Variants in HNRNPLL observed in about 807,000 individuals in gnomAD.
HNRNPLL encodes heterogeneous nuclear ribonucleoprotein L-like.
Under a neutral mutation model 67.1 loss-of-function variants are expected in HNRNPLL, and 25 were observed. The observed-to-expected ratio is 0.37, with a 90% CI of 0.27 to 0.52. The LOEUF (loss-of-function observed/expected upper bound fraction) is 0.52. HNRNPLL is among the 20% of genes least tolerant of loss of function. The pLI is 0.90. For synonymous variants in HNRNPLL, 267 were observed against 241.7 expected, an observed-to-expected ratio of 1.10 and a Z score of -0.97; for missense variants, 542 against 673.9, an observed-to-expected ratio of 0.80 and a Z score of 2.17.
chr2:38,589,382 G>T (rs966879878), intron 2 of HNRNPLL, among the ~76,000 whole-genome samples: 1 of 152,120 alleles, frequency 6.6e-6, no homozygotes, highest in African/African-American at 2.4e-5. Flanking sequence ...TTTCCAAATT[G>T]TAACATTTTG....
At chr2:38,574,162 G>A (rs1666207968) in intron 7 of HNRNPLL, among the ~76,000 whole-genome samples, 1 of 151,840 alleles carries the variant, frequency 6.6e-6, no homozygotes, top group African/African-American at 2.4e-5. Flanking sequence ...GCTAACTTTA[G>A]AGTAGCTTTA....
At position 38,569,215 on chromosome 2, in the gene HNRNPLL, G is replaced by C. The variant is rs750272113; in HGVS notation, c.1334C>G (p.Ser445Cys). The C allele has an allele frequency of 1.9e-6, 3 of 1,613,266 alleles. No homozygotes were observed. The highest frequency in any genetic ancestry group is 1.1e-5 in the South Asian group (1 of 91,056). ...NNRFTSAGQA[S>C]KNIIQPPSCV... The stretch of plus-strand genomic sequence containing the variant: ...GGAGGGTGGCTGGATTATATTCTTA[G>C]ATGCTTGGCCAGCACTTGTAAAGCG... Residue 445 changes from serine to cysteine, a missense_variant, in exon 10 of 13, where the codon TCT becomes TGT. Around this residue, in one of 2 missense-constraint regions of HNRNPLL, gnomAD observed 415 missense variants for 575.2 expected, o/e 0.72. Coordinates refer to ENST00000449105, the MANE Select transcript of HNRNPLL (RefSeq NM_138394.4).
rs1380739917 is a variant in HNRNPLL at position 38,564,067 on chromosome 2, G to T, written c.*115C>A. ...GCAAAATATGTTTATTACAGAACAG[G>T]ATCTTAAAGTAAGCAAGGCAACATG... On this transcript the variant is annotated 3_prime_UTR_variant, in exon 13 of 13. Transcript: ENST00000449105. 2 of 719,210 alleles carry T rather than the reference G, an allele frequency of 2.8e-6. No individual in the cohort carries two copies. Among genetic ancestry groups the T allele is most frequent in the South Asian group, 1.6e-5 (1 of 64,336 alleles). 44.6% of individuals were successfully genotyped at this position (719,210 alleles called of 1,614,324 possible).
Position 38,602,862 on chromosome 2 carries a change from C to G in HNRNPLL, c.-236G>C. The G allele has an allele frequency of 6.5e-7, 1 of 1,549,562 alleles. No individual in the cohort carries two copies. Among genetic ancestry groups the G allele is most frequent in the Non-Finnish European group, 8.7e-7 (1 of 1,146,380 alleles). ...CGGCCGCTCCTCTCAATTACCGAGC[C>G]AACATTCAGCCTCTCCCTCCTCCTC... On this transcript the variant is annotated 5_prime_UTR_variant, in exon 1 of 13. Transcript: ENST00000449105.
At chr2:38,593,138 C>T (rs991417628) in intron 1 of HNRNPLL, among the ~76,000 whole-genome samples, 6 of 152,192 alleles carry the variant, frequency 3.9e-5, no homozygotes, top group African/African-American at 1.4e-4. Flanking sequence ...ATTTGAATTG[C>T]TTATGCTCCG....
At chr2:38,565,717 G>A (rs1184710148) in intron 12 of HNRNPLL, among the ~76,000 whole-genome samples, 1 of 95,398 alleles carries the variant, frequency 1.0e-5, no homozygotes, top group Non-Finnish European at 1.8e-5. Flanking sequence ...AGATGAGCAA[G>A]ACCCTGTCTC....
At chr2:38,595,366 T>C (rs1462549639) in intron 1 of HNRNPLL, among the ~76,000 whole-genome samples, 1 of 150,820 alleles carries the variant, frequency 6.6e-6, no homozygotes, top group Non-Finnish European at 1.5e-5. Flanking sequence ...CTTCCCATTA[T>C]AGGTAACCAC....
At chr2:38,589,227 T>C (rs987016160) in intron 2 of HNRNPLL, among the ~76,000 whole-genome samples, 7 of 152,218 alleles carry the variant, frequency 4.6e-5, no homozygotes, top group African/African-American at 1.2e-4. Flanking sequence ...TAATATCTTG[T>C]TATATTTTCT....
intron 12 of HNRNPLL, among the ~76,000 whole-genome samples, chr2:38,567,003 C>T (rs955510238): frequency 5.9e-5 from 9 of 151,964 alleles, no homozygotes; most frequent in African/African-American, 2.2e-4. Flanking sequence ...CCTGAAAATG[C>T]TTTAAAAAGC....
In HNRNPLL at chr2:38,587,313, T is replaced by C. The variant is rs140056325; in HGVS notation, c.309-1432A>G. Among the ~76,000 whole-genome samples the C allele has an allele frequency of 2.8e-3, 422 of 152,364 alleles. 1 individual carries two copies. The highest frequency in any genetic ancestry group is 9.6e-3 in the African/African-American group (398 of 41,578). On this transcript the variant is annotated intron_variant, in intron 2 of 12. Coordinates refer to ENST00000449105, the MANE Select transcript of HNRNPLL (RefSeq NM_138394.4). ...TTACTACATACAAACTCTAAGCGGATTGCCTTGCACATTGTACACCCTCAA... is the reference window on the plus strand; with the variant it reads ...TTACTACATACAAACTCTAAGCGGACTGCCTTGCACATTGTACACCCTCAA...
intron 7 of HNRNPLL, among the ~76,000 whole-genome samples, chr2:38,575,092 C>T (rs920468519): frequency 6.6e-6 from 1 of 151,576 alleles, no homozygotes; most frequent in African/African-American, 2.4e-5. Flanking sequence ...TGGCTAAAGT[C>T]CAAAACCTCT....
chr2:38,574,921 C>T (rs1666242304), intron 7 of HNRNPLL, among the ~76,000 whole-genome samples: 2 of 151,862 alleles, frequency 1.3e-5, no homozygotes, highest in East Asian at 3.9e-4. Context: ...TATTCTTATT[C>T]CTATTGCAAA....
At chr2:38,589,442 C>A (rs1666875524) in intron 2 of HNRNPLL, among the ~76,000 whole-genome samples, 1 of 152,174 alleles carries the variant, frequency 6.6e-6, no homozygotes, top group Non-Finnish European at 1.5e-5. Context: ...GCCTTAATAG[C>A]AGCCACCTCT....
intron 1 of HNRNPLL, among the ~76,000 whole-genome samples, chr2:38,598,914 G>C (rs1419373691): frequency 2.6e-5 from 4 of 152,176 alleles, no homozygotes; most frequent in Non-Finnish European, 5.9e-5. Flanking sequence ...GCAAGCCTCA[G>C]GCTCTGGCAC....
At chr2:38,594,272 G>A (rs1667086112) in intron 1 of HNRNPLL, among the ~76,000 whole-genome samples, 1 of 152,114 alleles carries the variant, frequency 6.6e-6, no homozygotes, top group Non-Finnish European at 1.5e-5. Flanking sequence ...ACACATATTA[G>A]GGACAACTAG....
intron 1 of HNRNPLL, among the ~76,000 whole-genome samples, chr2:38,596,426 T>C (rs1347438288): frequency 6.6e-6 from 1 of 151,952 alleles, no homozygotes; most frequent in Non-Finnish European, 1.5e-5. Flanking sequence ...ACCTGGCTGA[T>C]TTTTGTGGTT....
intron 3 of HNRNPLL, among the ~76,000 whole-genome samples, chr2:38,585,126 G>A (rs1176020203): frequency 1.4e-5 from 2 of 147,122 alleles, no homozygotes; most frequent in East Asian, 1.9e-4. Flanking sequence ...ATGTGAGTAG[G>A]AAGAAAACTA....
chr2:38,564,293 T>C (rs1212078938), intron 12 of HNRNPLL, 56 bp from the exon 13 acceptor site: 5 of 924,350 alleles, frequency 5.4e-6, no homozygotes, highest in African/African-American at 4.9e-5. Context: ...CAAGATCACC[T>C]TGAAGTATCA....
At chr2:38,593,636 T>A (rs936166023) in intron 1 of HNRNPLL, among the ~76,000 whole-genome samples, 6 of 152,084 alleles carry the variant, frequency 3.9e-5, no homozygotes, top group Admixed American at 3.9e-4. Context: ...ATGCCTGTAA[T>A]CCAGCACTTT....
Sources: allele counts gnomAD v4.1 joint callset (sites outside exome capture counted in the v4.1 genomes callset), GRCh38; gene constraint gnomAD v4.1.1; regional missense constraint gnomAD v4.1.1; transcripts MANE v1.5; gene names NCBI Gene and HGNC (gene_info 2026-07-23, HGNC 2026-07-21).